The following NRL variants were observed in gnomAD, a reference collection of about 807,000 sequenced individuals.
NRL encodes the protein neural retina leucine zipper, also known as neural retina-specific leucine zipper protein.
NRL carries 16 observed loss-of-function variants against 12.5 expected under a neutral mutation model. The observed-to-expected ratio is 1.28, with a 90% CI of 0.87 to 1.95. NRL has a LOEUF of 1.95. NRL is among the 30% of genes most tolerant of loss of function. The pLI is 0.00. For missense variants in NRL, 314 were observed against 325.8 expected, an observed-to-expected ratio of 0.96 and a Z score of 0.28; for synonymous variants, 142 against 150.9, an observed-to-expected ratio of 0.94 and a Z score of 0.43.
intron 1 of NRL, among the ~76,000 whole-genome samples, chr14:24,087,988 A>T (rs2036506413): frequency 6.6e-6 from 1 of 152,116 alleles, no homozygotes; most frequent in South Asian, 2.1e-4. Context: ...TGATGGTGCC[A>T]CTGCACTCTA....
intron 1 of NRL, among the ~76,000 whole-genome samples, chr14:24,106,672 G>A (rs1239934121): frequency 1.3e-5 from 2 of 150,806 alleles, no homozygotes; most frequent in Non-Finnish European, 2.9e-5. Context: ...AGTGAGCTGA[G>A]ATCACACCAC....
chr14:24,104,080 C>T (rs1353552509), intron 1 of NRL: 6 of 690,560 alleles, frequency 8.7e-6, no homozygotes, highest in South Asian at 3.6e-5. Flanking sequence ...TGCCATAGAC[C>T]TTCCCACAAA....
Position 24,114,748 on chromosome 14 carries a change from A to C in NRL, c.-54T>G. Reference sequence around the variant, plus strand: ...TATCAATCATCGTGCTCCGCTGTCCAGTTGGCTGGCCAAGGGGGCGGGGCC... The same window carrying C: ...TATCAATCATCGTGCTCCGCTGTCCCGTTGGCTGGCCAAGGGGGCGGGGCC... On this transcript the variant is annotated 5_prime_UTR_variant, in exon 1 of 3. Coordinates refer to ENST00000561028, the MANE Select transcript of NRL (RefSeq NM_001354768.3). 1 of 985,908 alleles carries C rather than the reference A, an allele frequency of 1.0e-6. No individual in the cohort carries two copies. Among genetic ancestry groups the C allele is most frequent in the Non-Finnish European group, 1.2e-6 (1 of 829,950 alleles). 61.1% of individuals were successfully genotyped at this position (985,908 alleles called of 1,614,324 possible).
At chr14:24,092,324 G>A (rs1017894887) in intron 1 of NRL, among the ~76,000 whole-genome samples, 4 of 152,268 alleles carry the variant, frequency 2.6e-5, no homozygotes, top group Middle Eastern at 3.4e-3. Context: ...CAGACTTGAG[G>A]GCTAATTGAG....
At chr14:24,090,076 T>A (rs1223430731) in intron 1 of NRL, among the ~76,000 whole-genome samples, 1 of 151,910 alleles carries the variant, frequency 6.6e-6, no homozygotes, top group Non-Finnish European at 1.5e-5. Context: ...GGGTTTTCAG[T>A]AGAGACATGA....
chr14:24,081,643 T>G lies in NRL; in HGVS notation c.382-75A>C. 6.5e-7 allele frequency: 1 copy of G among 1,538,148 alleles called. No homozygotes were observed. Among genetic ancestry groups the G allele is most frequent in the Non-Finnish European group, 8.8e-7 (1 of 1,141,452 alleles). On this transcript the variant is annotated intron_variant, in intron 2 of 2. Coordinates refer to ENST00000561028, the MANE Select transcript of NRL (RefSeq NM_001354768.3). This position sits in a 1 kb window ranked among gnomAD's most constrained non-coding sequence, Gnocchi z 4.4. ...TCTGCCCTGAGGGCCCGACGCTACC[T>G]GGCTCCGCCCCGGGACAGCCCCGCC...
At chr14:24,107,856 G>A (rs981011820) in intron 1 of NRL, among the ~76,000 whole-genome samples, 9 of 152,126 alleles carry the variant, frequency 5.9e-5, no homozygotes, top group African/African-American at 1.9e-4. Context: ...AGAAACAGCA[G>A]GATAACTGCT....
At chr14:24,082,344 C>G in intron 2 of NRL, 124 bp downstream of exon 2, 1 of 1,215,876 alleles carries the variant, frequency 8.2e-7, no homozygotes, top group Non-Finnish European at 1.2e-6. Flanking sequence ...GGGACCTTCT[C>G]CCCTTCTCCT....
At chr14:24,111,546 T>TG (rs1033475652) in intron 1 of NRL, among the ~76,000 whole-genome samples, 35 of 152,058 alleles carry the variant, frequency 2.3e-4, no homozygotes, top group Non-Finnish European at 4.3e-4. Flanking sequence ...GCTTTTTTTT[T>TG]TTTAGTGACG....
intron 1 of NRL, among the ~76,000 whole-genome samples, chr14:24,097,564 CAAA>C (rs61077083): frequency 1.4e-5 from 2 of 138,888 alleles, no homozygotes. Context: ...AACTCTGTCT[CAAA>C]AAAAAAAAAG....
chr14:24,100,738 T>C (rs2759407), intron 1 of NRL, among the ~76,000 whole-genome samples: 10,929 of 152,240 alleles, frequency 0.072, 507 homozygotes, highest in Non-Finnish European at 0.091. Flanking sequence ...CCCTGTATAA[T>C]AACCACTGTC....
Position 24,094,222 on chromosome 14 carries a change from G to A in NRL, c.-27-11347C>T, listed in dbSNP as rs1230510812. ...GGGCCGAGGGAGCTGGCCTGCCAGC[G>A]GGGCGGAGGAAAGCTAGTGCCAGCC... On this transcript the variant is annotated intron_variant, in intron 1 of 2. Transcript: ENST00000561028. This position sits in a 1 kb window ranked among gnomAD's most constrained non-coding sequence, Gnocchi z 4.1. 5.1e-6 allele frequency: 3 copies of A among 588,254 alleles called. No homozygotes were observed. The African/African-American group carries it at 6.0e-5, about 12-fold the overall frequency. The allele number at this position is 588,254 out of a possible 1,614,324, so 36.4% of individuals were successfully genotyped here. A position where few individuals can be genotyped will look rare whatever the true frequency, so the allele number is the denominator to read the frequency against.
chr14:24,081,657 G>C lies in NRL; in HGVS notation c.382-89C>G. The C allele has an allele frequency of 2.0e-6, 3 of 1,534,868 alleles. No homozygotes were observed. The highest frequency in any genetic ancestry group is 2.6e-6 in the Non-Finnish European group (3 of 1,140,612). ...CCGACGCTACCTGGCTCCGCCCCGG[G>C]ACAGCCCCGCCCCGGCTCCCACCTT... On this transcript the variant is annotated intron_variant, in intron 2 of 2. Transcript: ENST00000561028. This position sits in a 1 kb window ranked among gnomAD's most constrained non-coding sequence, Gnocchi z 4.4.
At chr14:24,084,136 C>T (rs1490547233) in intron 1 of NRL, among the ~76,000 whole-genome samples, 2 of 152,212 alleles carry the variant, frequency 1.3e-5, no homozygotes, top group Non-Finnish European at 2.9e-5. Context: ...CCAGGCTCTA[C>T]CCAGAGAGGC....
intron 1 of NRL, among the ~76,000 whole-genome samples, chr14:24,086,559 C>T (rs2036471663): frequency 6.6e-6 from 1 of 152,238 alleles, no homozygotes; most frequent in Admixed American, 6.5e-5. Context: ...GGACCCCACA[C>T]ACATGCCCAT....
In NRL at chr14:24,094,325, C is replaced by T. The variant is rs1594277475; in HGVS notation, c.-27-11450G>A. ...CAGCCTCTGCTGTGGCTCGCTTCGC[C>T]GCGCTCCCTCCTTCCCCGCCTTCCA... On this transcript the variant is annotated intron_variant, in intron 1 of 2. Coordinates refer to ENST00000561028, the MANE Select transcript of NRL (RefSeq NM_001354768.3). The surrounding 1 kb of genome is among the most constrained non-coding windows in gnomAD (Gnocchi z 4.1). The T allele has an allele frequency of 2.9e-6, 4 of 1,395,034 alleles. No individual in the cohort carries two copies. Among genetic ancestry groups the T allele is most frequent in the East Asian group, 2.6e-5 (1 of 38,290 alleles). 86.4% of individuals were successfully genotyped at this position (1,395,034 alleles called of 1,614,324 possible).
intron 1 of NRL, among the ~76,000 whole-genome samples, chr14:24,106,722 A>G (rs1176291166): frequency 2.1e-5 from 3 of 145,678 alleles, no homozygotes; most frequent in Non-Finnish European, 4.4e-5. Context: ...CTCTGTCTCA[A>G]AAAAAAAATA....
intron 1 of NRL, among the ~76,000 whole-genome samples, chr14:24,083,904 A>G (rs1244199891): frequency 6.6e-6 from 1 of 152,206 alleles, no homozygotes; most frequent in Non-Finnish European, 1.5e-5. Flanking sequence ...TCTGTTATCA[A>G]TCATGGGGCA....
chr14:24,098,261 G>T lies in NRL; in HGVS notation c.-27-15386C>A, dbSNP rs753234715. ...ACGAGTAGAGAGCAAGACGGTGATT[G>T]TAACTCCTTCTCAGCGGGACACGGT... On this transcript the variant is annotated intron_variant, in intron 1 of 2. Transcript: ENST00000561028. The T allele has an allele frequency of 7.4e-6, 12 of 1,614,010 alleles. No individual in the cohort carries two copies. Among genetic ancestry groups the T allele is most frequent in the Middle Eastern group, 1.6e-4 (1 of 6,084 alleles).
Sources: gnomAD v4.1 joint callset for allele counts (sites outside exome capture counted in the v4.1 genomes callset) on GRCh38, gnomAD v4.1.1 for gene constraint, Gnocchi (gnomAD v3.1) non-coding constraint, MANE v1.5 for transcripts, NCBI Gene and HGNC (gene_info 2026-07-23, HGNC 2026-07-21) for gene names.